The following SOBP variants were observed in gnomAD, a reference collection of about 807,000 sequenced individuals.
SOBP encodes sine oculis-binding protein homolog.
In SOBP, 4 loss-of-function variants were observed where a neutral mutation model predicts 53.6. That is an observed-to-expected ratio of 0.07 (90% confidence interval 0.04 to 0.17). The LOEUF (loss-of-function observed/expected upper bound fraction) is 0.17, where lower values mean the gene tolerates loss of function less well. SOBP is among the 10% of genes least tolerant of loss of function. The pLI is 1.00. For missense variants in SOBP, 1,088 were observed against 1,204.7 expected (o/e 0.90, Z 1.43); for synonymous variants, 584 against 522.6 (o/e 1.12, Z -1.60).
chr6:107,507,890 A>G (rs542133258), intron 3 of SOBP, among the ~76,000 whole-genome samples: 1 of 152,292 alleles, frequency 6.6e-6, no homozygotes, highest in African/African-American at 2.4e-5. Flanking sequence ...TATTAGATCT[A>G]GATGGCAACG....
intron 4 of SOBP, among the ~76,000 whole-genome samples, chr6:107,572,373 A>G (rs1479327240): frequency 1.3e-5 from 2 of 149,454 alleles, no homozygotes; most frequent in East Asian, 3.9e-4. Flanking sequence ...GTGCGATCTC[A>G]GCTCACTGCA....
At chr6:107,562,491 G>A (rs900236520) in intron 4 of SOBP, among the ~76,000 whole-genome samples, 3 of 152,232 alleles carry the variant, frequency 2.0e-5, no homozygotes, top group Admixed American at 6.5e-5. Flanking sequence ...TGACCAAGTA[G>A]TATAGTTAGC....
chr6:107,556,540 A>G (rs530579663), intron 4 of SOBP, among the ~76,000 whole-genome samples: 2 of 152,334 alleles, frequency 1.3e-5, no homozygotes, highest in African/African-American at 4.8e-5. Context: ...GAGGTATCCA[A>G]CGAGGTAATA....
chr6:107,645,201 T>C (rs1771502309), intron 6 of SOBP, among the ~76,000 whole-genome samples: 1 of 152,178 alleles, frequency 6.6e-6, no homozygotes, highest in South Asian at 2.1e-4. Flanking sequence ...TAATAACTTT[T>C]AAAATCCTAT....
intron 4 of SOBP, among the ~76,000 whole-genome samples, chr6:107,538,076 T>C (rs926809290): frequency 6.6e-6 from 1 of 152,236 alleles, no homozygotes; most frequent in African/African-American, 2.4e-5. Flanking sequence ...TTTCAGACTA[T>C]ATTCTTGGTT....
chr6:107,648,010 C>G (rs1054460733), intron 6 of SOBP, among the ~76,000 whole-genome samples: 1 of 152,164 alleles, frequency 6.6e-6, no homozygotes. Flanking sequence ...TAATATGAAG[C>G]TTTCTCCCTC....
intron 4 of SOBP, among the ~76,000 whole-genome samples, chr6:107,583,767 G>A (rs1785480507): frequency 6.6e-6 from 1 of 152,070 alleles, no homozygotes; most frequent in Non-Finnish European, 1.5e-5. Flanking sequence ...TTAGGGTAAG[G>A]TCTACCATAG....
At chr6:107,499,438 A>G (rs1311267802) in intron 1 of SOBP, among the ~76,000 whole-genome samples, 1 of 152,214 alleles carries the variant, frequency 6.6e-6, no homozygotes, top group Non-Finnish European at 1.5e-5. Context: ...ACATTATTAT[A>G]ATTACAGTGA....
At chr6:107,643,118 A>G (rs1771401548) in intron 6 of SOBP, among the ~76,000 whole-genome samples, 2 of 152,346 alleles carry the variant, frequency 1.3e-5, no homozygotes, top group Middle Eastern at 3.4e-3. Context: ...GGGAAACCCT[A>G]TATTTCATCC....
chr6:107,522,559 T>TG (rs57957505), intron 3 of SOBP, among the ~76,000 whole-genome samples: 98 of 149,540 alleles, frequency 6.6e-4, no homozygotes, highest in African/African-American at 2.2e-3. Context: ...TTTTTTTTTT[T>TG]GTGGCAAGGT....
chr6:107,566,687 A>G (rs899767076), intron 4 of SOBP, among the ~76,000 whole-genome samples: 1 of 152,120 alleles, frequency 6.6e-6, no homozygotes, highest in African/African-American at 2.4e-5. Context: ...AACATGTACA[A>G]ATCCATCATG....
rs1335173477 is a variant in SOBP, at chr6:107,494,837, G to T, written c.96+4125G>T. On this transcript the variant is annotated intron_variant, in intron 1 of 6. Transcript: ENST00000317357. ...GAGTTTAGTAGTAAACTTACCACAA[G>T]ATTTTCTAGTTTGTTTTCTGATGGT... Among the ~76,000 whole-genome samples the T allele has an allele frequency of 3.3e-5, 5 of 152,128 alleles. No individual in the cohort carries two copies. The East Asian group carries it at 9.6e-4, about 29-fold the overall frequency.
chr6:107,550,456 A>G (rs1204971055), intron 4 of SOBP, among the ~76,000 whole-genome samples: 1 of 152,246 alleles, frequency 6.6e-6, no homozygotes, highest in Non-Finnish European at 1.5e-5. Flanking sequence ...AATATTGAGC[A>G]TCCGCAGTAT....
chr6:107,561,665 A>G (rs1784776425), intron 4 of SOBP, among the ~76,000 whole-genome samples: 1 of 152,220 alleles, frequency 6.6e-6, no homozygotes, highest in Admixed American at 6.5e-5. Context: ...TTGTCAGGTG[A>G]AGAAGCCTTT....
At chr6:107,624,274 T>G (rs1770359156) in intron 5 of SOBP, among the ~76,000 whole-genome samples, 1 of 152,190 alleles carries the variant, frequency 6.6e-6, no homozygotes, top group South Asian at 2.1e-4. Context: ...CATTCTGGGC[T>G]CCACCCTTTA....
At chr6:107,495,052 T>C (rs1782666108) in intron 1 of SOBP, among the ~76,000 whole-genome samples, 1 of 152,232 alleles carries the variant, frequency 6.6e-6, no homozygotes, top group South Asian at 2.1e-4. Flanking sequence ...TAAGTTTTGC[T>C]GTTGAAACTC....
At chr6:107,656,145 A>AATTGTTCCCACAATTCCC (rs1772022647) in intron 6 of SOBP, among the ~76,000 whole-genome samples, 1 of 152,136 alleles carries the variant, frequency 6.6e-6, no homozygotes, top group Non-Finnish European at 1.5e-5. Flanking sequence ...TTGTTCCCAG[A>AATTGTTCCCACAATTCCC]AGAAGTGACC....
chr6:107,508,350 G>GGGT (rs1301617519), intron 3 of SOBP, among the ~76,000 whole-genome samples: 1 of 152,116 alleles, frequency 6.6e-6, no homozygotes, highest in African/African-American at 2.4e-5. Context: ...AGGCCAAGGC[G>GGGT]GGTGGATCAC....
chr6:107,490,386 C>G lies in SOBP; in HGVS notation c.-231C>G. The G allele has an allele frequency of 3.0e-6, 1 of 330,130 alleles. No homozygotes were observed. The highest frequency in any genetic ancestry group is 3.2e-5 in the South Asian group (1 of 30,988). 20.5% of individuals were successfully genotyped at this position (330,130 alleles called of 1,614,324 possible). On this transcript the variant is annotated 5_prime_UTR_variant, in exon 1 of 7. Transcript: ENST00000317357. The stretch of plus-strand genomic sequence containing the variant: ...AGCGACGGCGGCGGCATCCCCGAGA[C>G]TCTCCGCACTATCCTTACCCGTGAC...
Sources: allele counts gnomAD v4.1 joint callset (sites outside exome capture counted in the v4.1 genomes callset), GRCh38; gene constraint gnomAD v4.1.1; transcripts MANE v1.5; gene names NCBI Gene and HGNC (gene_info 2026-07-23, HGNC 2026-07-21).